ZBED6: variants seen among roughly 807,000 people sequenced by gnomAD.
ZBED6 encodes the protein zinc finger BED-type containing 6, also known as zinc finger BED domain-containing protein 6.
ZBED6 carries 40 observed loss-of-function variants against 58.4 expected under a neutral mutation model. The ratio of observed to expected loss-of-function variants is 0.68; its 90% confidence interval spans 0.53 to 0.89. The LOEUF (loss-of-function observed/expected upper bound fraction) is 0.89. Ranked by LOEUF, ZBED6 falls within the 40% of genes least tolerant of loss-of-function variation. ZBED6 has a pLI of 0.00. For missense variants in ZBED6, 1,057 were observed against 1,003.9 expected (o/e 1.05, Z -0.71); for synonymous variants, 439 against 350.6 (o/e 1.25, Z -2.82).
chr1:203,808,377 T>C (rs961316997), intron 1 of ZBED6, among the ~76,000 whole-genome samples: 3 of 152,230 alleles, frequency 2.0e-5, no homozygotes, highest in African/African-American at 7.2e-5. Context: ...GATTTTGTCT[T>C]TACCATTGGA....
intron 11 of ZBED6, among the ~76,000 whole-genome samples, chr1:203,843,970 G>T (rs1187772109): frequency 6.6e-6 from 1 of 151,792 alleles, no homozygotes; most frequent in Non-Finnish European, 1.5e-5. Flanking sequence ...TGATTCTCCT[G>T]CCTCACCCTT....
chr1:203,817,363 G>T (rs375154721), intron 2 of ZBED6, among the ~76,000 whole-genome samples: 8 of 149,622 alleles, frequency 5.3e-5, no homozygotes, highest in African/African-American at 1.9e-4. Flanking sequence ...GTGGCATGTA[G>T]TCATCATTCA....
At chr1:203,849,763 G>T in exon 14 of ZBED6, 1 of 1,613,936 alleles carries the variant, frequency 6.2e-7, no homozygotes, top group East Asian at 2.2e-5. Context: ...GTCAAGAGAT[G>T]TGAGACCATG....
At chr1:203,833,733 G>A (rs1683264463) in intron 8 of ZBED6, 58 bp from the exon 9 acceptor site, 1 of 1,466,132 alleles carries the variant, frequency 6.8e-7, no homozygotes, top group Non-Finnish European at 9.3e-7. Flanking sequence ...CCCATTAGTA[G>A]TTACTGAATA....
At chr1:203,844,839 C>A (rs1687451561) in intron 11 of ZBED6, among the ~76,000 whole-genome samples, 1 of 152,016 alleles carries the variant, frequency 6.6e-6, no homozygotes, top group Non-Finnish European at 1.5e-5. Flanking sequence ...CTCCTCCCTC[C>A]CCTTTTTCTG....
intron 1 of ZBED6, among the ~76,000 whole-genome samples, chr1:203,815,279 A>G (rs1218493471): frequency 2.4e-5 from 3 of 125,378 alleles, no homozygotes; most frequent in East Asian, 2.6e-4. Context: ...CAGTGGCGCA[A>G]TGTCAGCTCA....
intron 1 of ZBED6, among the ~76,000 whole-genome samples, chr1:203,812,418 C>T (rs1056296738): frequency 2.6e-5 from 4 of 152,056 alleles, no homozygotes; most frequent in African/African-American, 7.2e-5. Context: ...GGATAATAGC[C>T]TCTGGCTCCA....
At chr1:203,850,661 C>T in exon 15 of ZBED6, 1 of 1,613,988 alleles carries the variant, frequency 6.2e-7, no homozygotes, top group Non-Finnish European at 8.5e-7. Flanking sequence ...ACAGGAACCC[C>T]CAGCCAAAAA....
intron 3 of ZBED6, among the ~76,000 whole-genome samples, chr1:203,825,303 A>G (rs1680151146): frequency 6.6e-6 from 1 of 152,178 alleles, no homozygotes; most frequent in Non-Finnish European, 1.5e-5. Context: ...CAGTGTTCCA[A>G]GTGACTTTAT....
At chr1:203,833,618 GTTTTTTTT>G (rs553171669) in intron 8 of ZBED6, among the ~76,000 whole-genome samples, 165 bp from the exon 9 acceptor site, 1 of 124,832 alleles carries the variant, frequency 8.0e-6, no homozygotes, top group Non-Finnish European at 1.7e-5. Flanking sequence ...ATAGGTTTGG[GTTTTTTTT>G]TTTTTTTTTT....
intron 2 of ZBED6, among the ~76,000 whole-genome samples, 165 bp from the exon 3 acceptor site, chr1:203,818,405 T>A (rs547437853): frequency 6.6e-6 from 1 of 152,280 alleles, no homozygotes; most frequent in African/African-American, 2.4e-5. Flanking sequence ...GGAAATAATT[T>A]GTTGCTCTCG....
At chr1:203,818,196 A>G (rs1048433327) in intron 2 of ZBED6, among the ~76,000 whole-genome samples, 11 of 152,122 alleles carry the variant, frequency 7.2e-5, no homozygotes, top group Non-Finnish European at 1.5e-4. Flanking sequence ...TATGTTAATT[A>G]TATTTAAATT....
chr1:203,804,753 A>G (rs1465959554), intron 1 of ZBED6, among the ~76,000 whole-genome samples: 1 of 149,920 alleles, frequency 6.7e-6, no homozygotes, highest in African/African-American at 2.5e-5. Flanking sequence ...GCTCATTGCA[A>G]CCTCTGCCTT....
chr1:203,833,626 T>TTTTTTG (rs1184226263), intron 8 of ZBED6, among the ~76,000 whole-genome samples, 165 bp from the exon 9 acceptor site: 1 of 149,470 alleles, frequency 6.7e-6, no homozygotes, highest in East Asian at 1.9e-4. Flanking sequence ...GGGTTTTTTT[T>TTTTTTG]TTTTTTTTTT....
At chr1:203,816,944 A>AT (rs1438379221) in exon 2 of ZBED6, 39 of 599,518 alleles carry the variant, frequency 6.5e-5, no homozygotes, top group Non-Finnish European at 5.2e-5. Context: ...TTTAAAGACA[A>AT]TTTCTGTGAT....
At chr1:203,805,421 G>A (rs1224474324) in intron 1 of ZBED6, among the ~76,000 whole-genome samples, 4 of 152,054 alleles carry the variant, frequency 2.6e-5, no homozygotes, top group Admixed American at 6.5e-5. Context: ...GTGAGCCACC[G>A]CGCCCTGCCA....
chr1:203,831,002 A>G (rs113375447), intron 7 of ZBED6, among the ~76,000 whole-genome samples: 26,458 of 127,536 alleles, frequency 0.21, 2,618 homozygotes, highest in Middle Eastern at 0.33. Context: ...CTGGAGTGCA[A>G]TGGCGCAATC....
At chr1:203,852,448 T>G in exon 17 of ZBED6, 2 of 1,599,138 alleles carry the variant, frequency 1.3e-6, no homozygotes, top group Non-Finnish European at 1.7e-6. Context: ...AAAACTGGAC[T>G]TAGTTTCATC....
At chr1:203,815,601 A>G (rs563424536) in intron 1 of ZBED6, among the ~76,000 whole-genome samples, 1 of 152,218 alleles carries the variant, frequency 6.6e-6, no homozygotes, top group Non-Finnish European at 1.5e-5. Flanking sequence ...AATACATTCT[A>G]GAAATGGAAT....
Sources: allele counts gnomAD v4.1 joint callset (sites outside exome capture counted in the v4.1 genomes callset), GRCh38; gene constraint gnomAD v4.1.1; transcripts MANE v1.5; gene names NCBI Gene and HGNC (gene_info 2026-07-23, HGNC 2026-07-21).